IL6ST: variants seen among roughly 807,000 people sequenced by gnomAD.
IL6ST encodes the protein interleukin 6 cytokine family signal transducer.
IL6ST carries 24 observed loss-of-function variants against 91.3 expected under a neutral mutation model. That is an observed-to-expected ratio of 0.26 (90% CI 0.19 to 0.37). The LOEUF is 0.37. Among genes scored for constraint, IL6ST ranks in the 10% least tolerant of loss-of-function variants. The probability of loss-of-function intolerance (pLI) is 1.00; values close to 1 mark genes in which losing one functional copy is unlikely to be tolerated. For synonymous variants in IL6ST, 351 were observed against 373.6 expected (o/e 0.94, Z 0.70); for missense variants, 914 against 1,078.5 (o/e 0.85, Z 2.14).
rs1316149278 is a variant in IL6ST at position 55,936,546 on chromosome 5, G to A, written c.*4536C>T. ...TAAAATGTCACAAAACCCACACGAA[G>A]CATCTCATTTACACTAAGATGCTTA... On this transcript the variant is annotated 3_prime_UTR_variant, in exon 17 of 17. Coordinates refer to ENST00000381298, the MANE Select transcript of IL6ST (RefSeq NM_002184.4). 2 of 206,910 alleles carry A rather than the reference G, an allele frequency of 9.7e-6. No homozygotes were observed. Among genetic ancestry groups the A allele is most frequent in the African/African-American group, 4.6e-5 (2 of 43,864 alleles). 12.8% of individuals were successfully genotyped at this position (206,910 alleles called of 1,614,324 possible).
intron 7 of IL6ST, 36 bp from the exon 8 acceptor site, chr5:55,960,597 A>C (rs751461304): frequency 3.2e-6 from 5 of 1,582,774 alleles, no homozygotes; most frequent in Non-Finnish European, 4.3e-6. Context: ...GAAAACCTCA[A>C]TTAGTAAGGT....
At chr5:55,952,921 C>T (rs1025085217) in intron 11 of IL6ST, among the ~76,000 whole-genome samples, 4 of 152,060 alleles carry the variant, frequency 2.6e-5, no homozygotes, top group Non-Finnish European at 4.4e-5. Context: ...ATTAGCTGGG[C>T]ATGGTGGTGG....
chr5:55,963,415 C>G lies in IL6ST; in HGVS notation c.750G>C (p.Lys250Asn). 6.3e-7 allele frequency: 1 copy of G among 1,597,616 alleles called. No homozygotes were observed. The highest frequency in any genetic ancestry group is 8.6e-7 in the Non-Finnish European group (1 of 1,165,622). The change falls in exon 7 of 17, where the codon AAG becomes AAC. Residue 250 changes from lysine (K) to asparagine (N), a missense_variant. By Grantham distance (94) the Lys-to-Asn change is moderately conservative (BLOSUM62 0). Coordinates refer to ENST00000381298, the MANE Select transcript of IL6ST (RefSeq NM_002184.4). ...TGTTATATTTTAGTATTATAACACT[C>G]TTAATACTTGGGTTGGTCCATGTCA... is the stretch of plus-strand genomic sequence containing the variant. ...LKLTWTNPSI[K>N]SVIILKYNIQ... is the part of the protein sequence containing the mutation.
At chr5:55,967,944 C>T (rs1053560652) in intron 5 of IL6ST, among the ~76,000 whole-genome samples, 38 of 151,986 alleles carry the variant, frequency 2.5e-4, no homozygotes, top group African/African-American at 8.7e-4. Context: ...TACAGGCACC[C>T]GCCACCATGC....
chr5:55,944,991 A>C (rs1219367940), intron 15 of IL6ST, among the ~76,000 whole-genome samples: 2 of 150,928 alleles, frequency 1.3e-5, no homozygotes, highest in South Asian at 2.1e-4. Flanking sequence ...CGAGTGTAAC[A>C]ACCATATAAT....
intron 1 of IL6ST, among the ~76,000 whole-genome samples, chr5:55,991,521 T>TG (rs1251197130): frequency 4.6e-5 from 7 of 151,912 alleles, no homozygotes; most frequent in Non-Finnish European, 1.5e-5. Flanking sequence ...TAATTTCAAC[T>TG]GTGTTCCTGC....
intron 1 of IL6ST, among the ~76,000 whole-genome samples, chr5:55,990,298 GAA>G (rs1754240001): frequency 7.2e-5 from 11 of 151,812 alleles, no homozygotes; most frequent in African/African-American, 2.7e-4. Context: ...AAAAGAAGAA[GAA>G]GAGACTGTAG....
chr5:55,962,911 T>C (rs898974815), intron 7 of IL6ST, among the ~76,000 whole-genome samples: 2 of 152,048 alleles, frequency 1.3e-5, no homozygotes, highest in Non-Finnish European at 2.9e-5. Context: ...GGCCAGGAGT[T>C]TGAGACCATC....
Position 55,984,465 on chromosome 5 carries a change from G to C in IL6ST, c.-103-1654C>G, listed in dbSNP as rs114535148. On this transcript the variant is annotated intron_variant, in intron 1 of 16. Coordinates refer to ENST00000381298, the MANE Select transcript of IL6ST (RefSeq NM_002184.4). The stretch of plus-strand genomic sequence containing the variant: ...GTCTTTAAAGAGACAGAGCCAGGAA[G>C]AATACCATGTGAATACACAGGCAGA... 2.6e-3 allele frequency among the ~76,000 whole-genome samples: 399 copies of C among 152,216 alleles called. 1 individual carries two copies. The highest frequency in any genetic ancestry group is 9.2e-3 in the African/African-American group (382 of 41,524).
intron 5 of IL6ST, among the ~76,000 whole-genome samples, chr5:55,967,038 C>T (rs530817326): frequency 4.0e-5 from 6 of 151,398 alleles, no homozygotes; most frequent in East Asian, 1.9e-4. Flanking sequence ...GGGGGCCAGG[C>T]GCGGTGGCCA....
chr5:55,952,303 T>C lies in IL6ST; in HGVS notation c.1499A>G (p.Tyr500Cys). Residue 500 changes from tyrosine to cysteine, a missense_variant, in exon 12 of 17, where the codon TAT becomes TGT. Coordinates refer to ENST00000381298, the MANE Select transcript of IL6ST (RefSeq NM_002184.4). ...TTCAGGGCTTCCTGGTCCATCAGCA[T>C]ATACTGGAGTAACTGTTATCAAATA... Reference protein sequence around the residue: ...KCYLITVTPVYADGPGSPESI... With the variant: ...KCYLITVTPVCADGPGSPESI... 6 of 1,608,914 alleles carry C rather than the reference T, an allele frequency of 3.7e-6. No homozygotes were observed. The highest frequency in any genetic ancestry group is 5.1e-6 in the Non-Finnish European group (6 of 1,176,142).
intron 14 of IL6ST, among the ~76,000 whole-genome samples, chr5:55,950,534 T>TG (rs1751564421): frequency 3.4e-5 from 1 of 29,466 alleles, no homozygotes; most frequent in Non-Finnish European, 5.9e-5. Context: ...AGACTCTGTC[T>TG]CAAAAAAAAA....
intron 8 of IL6ST, among the ~76,000 whole-genome samples, chr5:55,960,000 C>T (rs1752214421): frequency 6.6e-6 from 1 of 152,044 alleles, no homozygotes; most frequent in Admixed American, 6.6e-5. Flanking sequence ...ATTCTCCTGC[C>T]TCAGCCTCCC....
chr5:55,954,416 A>C (rs1162546555), intron 11 of IL6ST, among the ~76,000 whole-genome samples: 1 of 152,142 alleles, frequency 6.6e-6, no homozygotes, highest in Non-Finnish European at 1.5e-5. Context: ...TGCTTCCTCT[A>C]TCTGATGGTT....
intron 2 of IL6ST, among the ~76,000 whole-genome samples, chr5:55,979,758 A>G (rs1753534389): frequency 6.6e-6 from 1 of 152,228 alleles, no homozygotes; most frequent in Admixed American, 6.5e-5. Context: ...AAATTAAAAC[A>G]CACACATTTG....
At chr5:55,955,538 T>C (rs1751900285) in intron 10 of IL6ST, among the ~76,000 whole-genome samples, 1 of 152,270 alleles carries the variant, frequency 6.6e-6, no homozygotes, top group Non-Finnish European at 1.5e-5. Flanking sequence ...CGAATAAAGC[T>C]ACAGATAAAC....
At chr5:55,943,398 A>G (rs1302314749) in intron 15 of IL6ST, among the ~76,000 whole-genome samples, 1 of 152,194 alleles carries the variant, frequency 6.6e-6, no homozygotes, top group African/African-American at 2.4e-5. Context: ...AAAGGAAACA[A>G]TTGTATTAAT....
At chr5:55,980,223 G>C (rs1753572955) in intron 2 of IL6ST, among the ~76,000 whole-genome samples, 1 of 152,144 alleles carries the variant, frequency 6.6e-6, no homozygotes, top group South Asian at 2.1e-4. Context: ...TGAATCTTTA[G>C]TACTTATGCA....
intron 5 of IL6ST, among the ~76,000 whole-genome samples, chr5:55,966,363 G>A (rs1028183088): frequency 7.9e-5 from 12 of 152,194 alleles, no homozygotes; most frequent in Non-Finnish European, 1.5e-4. Context: ...GGCACTTGCT[G>A]GGATTGACTG....
Sources: gnomAD v4.1 joint callset for allele counts (sites outside exome capture counted in the v4.1 genomes callset) on GRCh38, gnomAD v4.1.1 for gene constraint, MANE v1.5 for transcripts, NCBI Gene and HGNC (gene_info 2026-07-23, HGNC 2026-07-21) for gene names.